PARP3: variants seen among roughly 807,000 people sequenced by gnomAD.
The protein encoded by PARP3 is protein mono-ADP-ribosyltransferase PARP3.
PARP3 carries 46 observed loss-of-function variants against 58.2 expected under a neutral mutation model. That is an observed-to-expected ratio of 0.79 (90% CI 0.62 to 1.01). PARP3 has a LOEUF of 1.01. Among genes scored for constraint, PARP3 ranks in the 50% least tolerant of loss-of-function variants. PARP3 has a pLI of 0.00. For missense variants in PARP3, 663 were observed against 683.9 expected, an observed-to-expected ratio of 0.97 and a Z score of 0.34; for synonymous variants, 252 against 266.4, an observed-to-expected ratio of 0.95 and a Z score of 0.53.
Position 51,946,390 on chromosome 3 carries a change from T to C in PARP3, c.1276+47T>C, listed in dbSNP as rs1699678613. ...AGCCCTGGGAGGGTTGGCACTAAGA[T>C]GGATTGGGCCCAGTCCTTGGCCACT... On this transcript the variant is annotated intron_variant, in intron 9 of 10. Coordinates refer to ENST00000398755, the MANE Select transcript of PARP3 (RefSeq NM_001003931.4). This position sits in a 1 kb window ranked among gnomAD's most constrained non-coding sequence, Gnocchi z 4.6. The C allele has an allele frequency of 2.0e-6, 3 of 1,482,316 alleles. No homozygotes were observed. The highest frequency in any genetic ancestry group is 2.8e-6 in the Non-Finnish European group (3 of 1,090,394). The allele number at this position is 1,482,316 out of a possible 1,614,324, so 91.8% of individuals were successfully genotyped here. A position where few individuals can be genotyped will look rare whatever the true frequency, so the allele number is the denominator to read the frequency against.
intron 1 of PARP3, 114 bp from the exon 2 acceptor site, chr3:51,943,240 G>C (rs972014831): frequency 1.7e-6 from 2 of 1,175,036 alleles, no homozygotes; most frequent in African/African-American, 3.1e-5. Flanking sequence ...GGGCCAACCC[G>C]GGGTGGGGCA....
intron 2 of PARP3, among the ~76,000 whole-genome samples, chr3:51,943,760 C>G (rs1026340175): frequency 6.6e-6 from 1 of 152,118 alleles, no homozygotes; most frequent in African/African-American, 2.4e-5. Flanking sequence ...CTCCTCCCAC[C>G]GCACTTAGGG....
Position 51,944,275 on chromosome 3 carries a change from C to G in PARP3, c.312+58C>G. The stretch of plus-strand genomic sequence containing the variant: ...CAGGGTCCTCAAAAGGCCACAGCTA[C>G]TGACTTGGGGGGGCACCTCCCAACT... On this transcript the variant is annotated intron_variant, in intron 3 of 10. Transcript: ENST00000398755. The surrounding 1 kb of genome is among the most constrained non-coding windows in gnomAD (Gnocchi z 4.2). The G allele has an allele frequency of 7.4e-6, 12 of 1,610,798 alleles. No individual in the cohort carries two copies. The South Asian group carries it at 1.2e-4, about 16-fold the overall frequency.
chr3:51,943,270 C>T, intron 1 of PARP3, 84 bp from the exon 2 acceptor site: 6 of 1,359,718 alleles, frequency 4.4e-6, no homozygotes, highest in East Asian at 2.5e-5. Context: ...TGTGCTGGCC[C>T]AGGGCAGGGG....
intron 10 of PARP3, 36 bp downstream of exon 10, chr3:51,947,931 G>A (rs199568518): frequency 5.6e-6 from 9 of 1,598,142 alleles, no homozygotes; most frequent in Non-Finnish European, 6.8e-6. Flanking sequence ...CAAGGAGAGA[G>A]GTGGGGCCGA....
At position 51,946,035 on chromosome 3, in the gene PARP3, G is replaced by C. The variant is rs904087535; in HGVS notation, c.1098+96G>C. The C allele has an allele frequency of 3.0e-5, 41 of 1,369,956 alleles. No homozygotes were observed. The highest frequency in any genetic ancestry group is 3.6e-5 in the Non-Finnish European group (35 of 967,662). 84.9% of individuals were successfully genotyped at this position (1,369,956 alleles called of 1,614,324 possible). On this transcript the variant is annotated intron_variant, in intron 8 of 10. Coordinates refer to ENST00000398755, the MANE Select transcript of PARP3 (RefSeq NM_001003931.4). This position sits in a 1 kb window ranked among gnomAD's most constrained non-coding sequence, Gnocchi z 4.6. ...CCTTAGCAAATCGTTTAGCAGCTCT[G>C]GTCAGTTTCTGCCGGCCATGAGTGC...
Position 51,943,427 on chromosome 3 carries a change from G to A in PARP3, c.72G>A (p.Arg24=), listed in dbSNP as rs751146192. ...AGAAGAAGGGCCGGCAGGCAGGAAG[G>A]GAGGAGGACCCCTTCCGCTCCACCG... is the stretch of plus-strand genomic sequence containing the variant. The part of the protein sequence containing the change: ...PEKKKGRQAG[R]EEDPFRSTAE... The change falls in exon 2 of 11, where the codon AGG becomes AGA. Residue 24 remains arginine (R), a synonymous_variant. Transcript: ENST00000398755. 6.8e-6 allele frequency: 11 copies of A among 1,607,362 alleles called. No individual in the cohort carries two copies. The highest frequency in any genetic ancestry group is 7.6e-6 in the Non-Finnish European group (9 of 1,177,722).
chr3:51,947,815 A>C lies in PARP3; in HGVS notation c.1352A>C (p.His451Pro), dbSNP rs778232806. The part of the protein sequence containing the change: ...LGEVALGREH[H>P]INTDNPSLKS... ...GAGGTGGCCCTGGGCAGAGAGCACC[A>C]TATCAACACGGACAACCCCAGCTTG... is the stretch of plus-strand genomic sequence containing the variant. Residue 451 changes from histidine (H) to proline (P), a missense_variant, in exon 10 of 11, where the codon CAT becomes CCT. Transcript: ENST00000398755. 2 of 1,614,004 alleles carry C rather than the reference A, an allele frequency of 1.2e-6. No individual in the cohort carries two copies. Among genetic ancestry groups the C allele is most frequent in the Middle Eastern group, 1.6e-4 (1 of 6,084 alleles).
rs371480949 is a variant in PARP3 at position 51,943,539 on chromosome 3, G to A, written c.183+1G>A. 10 of 1,606,622 alleles carry A rather than the reference G, an allele frequency of 6.2e-6. No individual in the cohort carries two copies. The African/African-American group carries it at 1.2e-4, about 19-fold the overall frequency. ...ACTCAGCAGCAACCCCGGGACCCAG[G>A]TGAGCTGCAGTCCCCAGTCAGGCCC... On this transcript the variant is annotated splice_donor_variant, in intron 2 of 10. Transcript: ENST00000398755. LOFTEE classifies it high-confidence loss of function.
chr3:51,945,319 G>A, intron 6 of PARP3, 95 bp downstream of exon 6: 1 of 1,414,078 alleles, frequency 7.1e-7, no homozygotes. Flanking sequence ...AGGCCCAGAA[G>A]GATGGACTGC....
chr3:51,948,429 C>T lies in PARP3; in HGVS notation c.1551C>T (p.Ile517=). 6.2e-7 allele frequency: 1 copy of T among 1,614,194 alleles called. No homozygotes were observed. The highest frequency in any genetic ancestry group is 8.5e-7 in the Non-Finnish European group (1 of 1,180,008). Residue 517 remains isoleucine, a synonymous_variant, in exon 11 of 11, where the codon ATC becomes ATT. Coordinates refer to ENST00000398755, the MANE Select transcript of PARP3 (RefSeq NM_001003931.4). ...CATTCTCCCAGAGCGAGTACCTCATCTACCAGGAGAGCCAGTGTCGCCTGC... is the reference window on the plus strand; with the variant it reads ...CATTCTCCCAGAGCGAGTACCTCATTTACCAGGAGAGCCAGTGTCGCCTGC... ...SSTFSQSEYL[I]YQESQCRLRY... is the part of the protein sequence containing the mutation.
intron 2 of PARP3, among the ~76,000 whole-genome samples, 156 bp downstream of exon 2, chr3:51,943,694 G>T (rs1045289699): frequency 6.6e-6 from 1 of 152,116 alleles, no homozygotes; most frequent in Admixed American, 6.5e-5. Context: ...AGACATCAGG[G>T]CTGTGTCCCG....
Position 51,946,552 on chromosome 3 carries a change from C to A in PARP3, c.1276+209C>A, listed in dbSNP as rs757927263. Among the ~76,000 whole-genome samples the A allele has an allele frequency of 1.5e-4, 23 of 151,976 alleles. No individual in the cohort carries two copies. Among genetic ancestry groups the A allele is most frequent in the Non-Finnish European group, 3.4e-4 (23 of 67,960 alleles). Reference sequence around the variant, plus strand: ...GTCAGGGATGGCTTCCTGGGGGAGGCAATACAGATAGGATGGGTGCACCAA... The same window carrying A: ...GTCAGGGATGGCTTCCTGGGGGAGGAAATACAGATAGGATGGGTGCACCAA... On this transcript the variant is annotated intron_variant, in intron 9 of 10. Coordinates refer to ENST00000398755, the MANE Select transcript of PARP3 (RefSeq NM_001003931.4). The surrounding 1 kb of genome is among the most constrained non-coding windows in gnomAD (Gnocchi z 4.6).
chr3:51,943,345 C>A lies in PARP3; in HGVS notation c.-2-9C>A. The A allele has an allele frequency of 6.4e-7, 1 of 1,560,618 alleles. No homozygotes were observed. The highest frequency in any genetic ancestry group is 1.4e-5 in the African/African-American group (1 of 73,612). On this transcript the variant is annotated splice_polypyrimidine_tract_variant and intron_variant, in intron 1 of 10. Coordinates refer to ENST00000398755, the MANE Select transcript of PARP3 (RefSeq NM_001003931.4). ...GGAGGCCTAAGGGCCTCTCTGTGCC[C>A]CAGGACAGCCATGGCTCCAAAGCCG... is the stretch of plus-strand genomic sequence containing the variant.
At position 51,945,899 on chromosome 3, in the gene PARP3, C is replaced by G. The variant is rs753203252; in HGVS notation, c.1058C>G (p.Pro353Arg). 1 of 1,614,152 alleles carries G rather than the reference C, an allele frequency of 6.2e-7. No homozygotes were observed. Among genetic ancestry groups the G allele is most frequent in the Non-Finnish European group, 8.5e-7 (1 of 1,179,994 alleles). The change falls in exon 8 of 11, where the codon CCT (proline) becomes CGT (arginine). Residue 353 changes from proline (P) to arginine (R), a missense_variant. This residue lies in a region of PARP3 where 567 missense variants were observed against 553.6 expected (regional missense o/e 1.02). Coordinates refer to ENST00000398755, the MANE Select transcript of PARP3 (RefSeq NM_001003931.4). ...LEQTGSNHRC[P>R]TLQHIWKVNQ... Reference sequence around the variant, plus strand: ...CAGACTGGCAGCAACCACAGGTGCCCTACACTTCAACACATCTGGAAAGTA... The same window carrying G: ...CAGACTGGCAGCAACCACAGGTGCCGTACACTTCAACACATCTGGAAAGTA...
At position 51,944,333 on chromosome 3, in the gene PARP3, A is replaced by T; in HGVS notation, c.313-57A>T. The T allele has an allele frequency of 1.2e-6, 2 of 1,606,664 alleles. No homozygotes were observed. Among genetic ancestry groups the T allele is most frequent in the South Asian group, 2.2e-5 (2 of 90,468 alleles). Reference sequence around the variant, plus strand: ...GGCACTCAGCACAGGGCCTGGCCCGACACACAGGCCAGCAAATGCTGATGG... The same window carrying T: ...GGCACTCAGCACAGGGCCTGGCCCGTCACACAGGCCAGCAAATGCTGATGG... On this transcript the variant is annotated intron_variant, in intron 3 of 10. Transcript: ENST00000398755. The surrounding 1 kb of genome is among the most constrained non-coding windows in gnomAD (Gnocchi z 4.2).
intron 10 of PARP3, 44 bp downstream of exon 10, chr3:51,947,939 C>A: frequency 6.4e-7 from 1 of 1,566,558 alleles, no homozygotes. Flanking sequence ...GAGGTGGGGC[C>A]GAGATAGGGG....
Position 51,948,690 on chromosome 3 carries a change from C to G in PARP3, c.*210C>G. 1.8e-6 allele frequency: 1 copy of G among 542,462 alleles called. No homozygotes were observed. The allele number at this position is 542,462 out of a possible 1,614,324, so 33.6% of individuals were successfully genotyped here. ...ACACATCTGCCCAGTCCCTCTCCTC[C>G]CAGCCCATGGTAACCAGCATTTGAC... is the stretch of plus-strand genomic sequence containing the variant. On this transcript the variant is annotated 3_prime_UTR_variant, in exon 11 of 11. Transcript: ENST00000398755.
chr3:51,942,435 C>T lies in PARP3; in HGVS notation c.-276C>T. ...GCGCTACGGACGCGACTGCCCCGGC[C>T]TTGGATATGCCAGATCGAGTGTCCA... On this transcript the variant is annotated 5_prime_UTR_variant, in exon 1 of 11. Transcript: ENST00000398755. 3 of 597,658 alleles carry T rather than the reference C, an allele frequency of 5.0e-6. No homozygotes were observed. The highest frequency in any genetic ancestry group is 9.1e-6 in the Non-Finnish European group (3 of 329,856). The allele number at this position is 597,658 out of a possible 1,614,324, so 37.0% of individuals were successfully genotyped here.
Sources: gnomAD v4.1 joint callset for allele counts (sites outside exome capture counted in the v4.1 genomes callset) on GRCh38, gnomAD v4.1.1 for gene constraint, gnomAD v4.1.1 regional missense constraint, Gnocchi (gnomAD v3.1) non-coding constraint, MANE v1.5 for transcripts, NCBI Gene and HGNC (gene_info 2026-07-23, HGNC 2026-07-21) for gene names.